SPINK2: variants seen among roughly 807,000 people sequenced by gnomAD.
SPINK2 encodes the protein serine protease inhibitor Kazal-type 2.
Under a neutral mutation model 13.5 loss-of-function variants are expected in SPINK2, and 8 were observed. The observed-to-expected ratio is 0.59, with a 90% CI of 0.35 to 1.07. The LOEUF is 1.07. Among genes scored for constraint, SPINK2 ranks in the 50% least tolerant of loss-of-function variants. SPINK2 has a pLI of 0.02. For synonymous variants in SPINK2, 76 were observed against 74.7 expected (o/e 1.02, Z -0.09); for missense variants, 148 against 180.3 (o/e 0.82, Z 1.03).
upstream of SPINK2, chr4:56,821,765 G>GGGAAGGGGCGGA (rs1553896007): frequency 3.0e-3 from 3,708 of 1,219,130 alleles, 225 homozygotes; most frequent in African/African-American, 0.059. Context: ...GAAGGGGCGG[G>GGGAAGGGGCGGA]GCGAGAATGG....
chr4:56,815,789 CACACACACAA>C (rs1010275084), intron 2 of SPINK2, among the ~76,000 whole-genome samples: 10 of 146,894 alleles, frequency 6.8e-5, no homozygotes, highest in African/African-American at 2.5e-4. Flanking sequence ...CACACACACA[CACACACACAA>C]AACTATTATT....
intron 2 of SPINK2, among the ~76,000 whole-genome samples, chr4:56,815,226 C>T (rs1717338718): frequency 6.6e-6 from 1 of 151,614 alleles, no homozygotes; most frequent in South Asian, 2.1e-4. Flanking sequence ...CCATGAATAA[C>T]CTAAGCAAAC....
intron 2 of SPINK2, among the ~76,000 whole-genome samples, chr4:56,819,611 T>C (rs964214426): frequency 1.0e-5 from 1 of 100,172 alleles, no homozygotes; most frequent in African/African-American, 4.3e-5. Context: ...AGGACTTTTT[T>C]TTCTTTCTTT....
rs114218842 is a variant in SPINK2 at position 56,814,353 on chromosome 4, G to A, written c.250-2559C>T. On this transcript the variant is annotated intron_variant, in intron 2 of 3. Coordinates refer to ENST00000506738, the MANE Select transcript of SPINK2 (RefSeq NM_001271718.2). ...CCTGGTCCCAAAAAGGCTGGGGACCGCTGCTCTAAAGCTTTTTTCCTGAAA... is the reference window on the plus strand; with the variant it reads ...CCTGGTCCCAAAAAGGCTGGGGACCACTGCTCTAAAGCTTTTTTCCTGAAA... Among the ~76,000 whole-genome samples the A allele has an allele frequency of 6.7e-3, 1,021 of 152,042 alleles. 15 individuals carry two copies. The highest frequency in any genetic ancestry group is 0.022 in the African/African-American group (928 of 41,464).
intron 3 of SPINK2, 168 bp from the exon 4 acceptor site, chr4:56,810,352 G>T (rs781532): frequency 0.082 from 52,350 of 639,614 alleles, 4,084 homozygotes; most frequent in South Asian, 0.27. Context: ...GAGGGTGAAA[G>T]TCCCCACTCT....
At chr4:56,820,491 G>C (rs812991) in intron 2 of SPINK2, 45 bp downstream of exon 2, 1 of 1,524,438 alleles carries the variant, frequency 6.6e-7, no homozygotes. Context: ...ACGGTTTTGG[G>C]CTTCACTGTA....
chr4:56,811,810 A>G lies in SPINK2; in HGVS notation c.250-16T>C, dbSNP rs1336919539. 1 of 1,557,442 alleles carries G rather than the reference A, an allele frequency of 6.4e-7. No homozygotes were observed. The highest frequency in any genetic ancestry group is 1.7e-5 in the Admixed American group (1 of 58,528). ...AGCAGTTTGGCTGGAAAAAAGAAAG[A>G]GAGAAATTCGAGAATGACTTGAGAC... is the stretch of plus-strand genomic sequence containing the variant. On this transcript the variant is annotated splice_polypyrimidine_tract_variant and intron_variant, in intron 2 of 3. Coordinates refer to ENST00000506738, the MANE Select transcript of SPINK2 (RefSeq NM_001271718.2).
intron 2 of SPINK2, among the ~76,000 whole-genome samples, chr4:56,817,468 T>C (rs1378686673): frequency 6.6e-6 from 1 of 152,112 alleles, no homozygotes; most frequent in East Asian, 1.9e-4. Flanking sequence ...GATGGAAATA[T>C]AAGGGACTCC....
At chr4:56,817,774 A>T (rs1257614623) in intron 2 of SPINK2, among the ~76,000 whole-genome samples, 1 of 152,078 alleles carries the variant, frequency 6.6e-6, no homozygotes, top group Non-Finnish European at 1.5e-5. Flanking sequence ...GAATCGCTTG[A>T]ACTCAGCAGA....
Position 56,815,762 on chromosome 4 carries a change from TCACACACA to T in SPINK2, c.250-3976_250-3969del, listed in dbSNP as rs140055216. The stretch of plus-strand genomic sequence containing the variant: ...TGTTATATAGAAATTCCTAAGAAAT[TCACACACA>T]CACACACACACACACACACACACAC... On this transcript the variant is annotated intron_variant, in intron 2 of 3. Transcript: ENST00000506738. Among the ~76,000 whole-genome samples, 197 of 143,070 alleles carry T rather than the reference TCACACACA, an allele frequency of 1.4e-3. 3 individuals are homozygous for T. The East Asian group carries it at 0.022, about 16-fold the overall frequency. The allele number at this position is 143,070 out of a possible 152,430, so 93.9% of individuals were successfully genotyped here. A position where few individuals can be genotyped will look rare whatever the true frequency, so the allele number is the denominator to read the frequency against.
intron 1 of SPINK2, among the ~76,000 whole-genome samples, chr4:56,820,943 T>G (rs1296408523): frequency 6.6e-6 from 1 of 152,204 alleles, no homozygotes; most frequent in Non-Finnish European, 1.5e-5. Flanking sequence ...TTGGTTCTGT[T>G]CCCATTAGGG....
chr4:56,814,426 G>A lies in SPINK2; in HGVS notation c.250-2632C>T, dbSNP rs141961232. On this transcript the variant is annotated intron_variant, in intron 2 of 3. Transcript: ENST00000506738. The stretch of plus-strand genomic sequence containing the variant: ...ATAATCACTCATTTACAGATGTTAC[G>A]GGAGACACAAAGACAAAGAAAAGTT... 6.7e-3 allele frequency among the ~76,000 whole-genome samples: 1,013 copies of A among 151,970 alleles called. 15 individuals carry two copies. Among genetic ancestry groups the A allele is most frequent in the African/African-American group, 0.022 (926 of 41,464 alleles).
chr4:56,810,145 G>C lies in SPINK2; in HGVS notation c.399C>G (p.Pro133=), dbSNP rs139114875. 4.5e-5 allele frequency: 73 copies of C among 1,609,202 alleles called. No homozygotes were observed. The African/African-American group carries it at 9.6e-4, about 21-fold the overall frequency. ...GHNIKIIRNG[P]C ...TTTTCTGTAAACTGCTCCATCAGCA[G>C]GGTCCATTTCGAATGATTTTAATAT... Residue 133 remains proline, a synonymous_variant, in exon 4 of 4, where the codon CCC becomes CCG. Coordinates refer to ENST00000506738, the MANE Select transcript of SPINK2 (RefSeq NM_001271718.2).
chr4:56,821,381 G>C lies in SPINK2; in HGVS notation c.205+77C>G, dbSNP rs796548084. 9.9e-6 allele frequency: 14 copies of C among 1,420,482 alleles called. No individual in the cohort carries two copies. The South Asian group carries it at 1.6e-4, about 17-fold the overall frequency. 88.0% of individuals were successfully genotyped at this position (1,420,482 alleles called of 1,614,324 possible). A position where few individuals can be genotyped will look rare whatever the true frequency, so the allele number is the denominator to read the frequency against. On this transcript the variant is annotated intron_variant, in intron 1 of 3. Transcript: ENST00000506738. ...GGCAGGTGTCCTTAGAGCTGGGAGC[G>C]AAGCCCAAGCAAGAACTAAAGAGGG...
At chr4:56,819,485 C>A (rs780936811) in intron 2 of SPINK2, among the ~76,000 whole-genome samples, 1 of 152,204 alleles carries the variant, frequency 6.6e-6, no homozygotes, top group Non-Finnish European at 1.5e-5. Flanking sequence ...TTTAGAATAA[C>A]CAGGCCAGGA....
At chr4:56,821,314 G>C (rs1173824137) in intron 1 of SPINK2, 144 bp downstream of exon 1, 28 of 1,392,968 alleles carry the variant, frequency 2.0e-5, no homozygotes, top group African/African-American at 6.0e-5. Context: ...TCCTCATCTT[G>C]GGCACCTGAA....
chr4:56,814,237 C>T (rs761899183), intron 2 of SPINK2, among the ~76,000 whole-genome samples: 4 of 151,806 alleles, frequency 2.6e-5, no homozygotes, highest in African/African-American at 4.8e-5. Flanking sequence ...TCCTAACTAA[C>T]GCCTGATGGT....
upstream of SPINK2, chr4:56,821,759 G>C: frequency 7.8e-7 from 1 of 1,281,214 alleles, no homozygotes; most frequent in South Asian, 1.6e-5. Context: ...GCGGGGGAAG[G>C]GGCGGGGCGA....
chr4:56,819,851 G>A (rs376047286), intron 2 of SPINK2, among the ~76,000 whole-genome samples: 2 of 151,992 alleles, frequency 1.3e-5, no homozygotes, highest in African/African-American at 4.8e-5. Context: ...TCCTGACCTC[G>A]TGATCTGCCC....
Sources: allele counts gnomAD v4.1 joint callset (sites outside exome capture counted in the v4.1 genomes callset), GRCh38; gene constraint gnomAD v4.1.1; transcripts MANE v1.5; gene names NCBI Gene and HGNC (gene_info 2026-07-23, HGNC 2026-07-21).